ASTN2: variants seen among roughly 807,000 people sequenced by gnomAD.
The protein encoded by ASTN2 is astrotactin 2, also known as astrotactin-2.
A neutral mutation model predicts 139.8 loss-of-function variants in ASTN2; 54 were observed. The ratio of observed to expected loss-of-function variants is 0.39; its 90% CI spans 0.31 to 0.48. The LOEUF (loss-of-function observed/expected upper bound fraction) is 0.48, where lower values mean the gene tolerates loss of function less well. ASTN2 is among the 20% of genes least tolerant of loss of function. ASTN2 has a pLI of 0.95. For missense variants in ASTN2, 1,565 were observed against 1,725.1 expected (o/e 0.91, Z 1.64); for synonymous variants, 756 against 719.5 (o/e 1.05, Z -0.81).
At chr9:116,738,100 G>A (rs1282459873) in intron 13 of ASTN2, among the ~76,000 whole-genome samples, 1 of 151,526 alleles carries the variant, frequency 6.6e-6, no homozygotes, top group South Asian at 2.1e-4. Context: ...GCTGAGGCAG[G>A]AGAATGGCGT....
chr9:116,767,075 C>T (rs1375320046), intron 13 of ASTN2, among the ~76,000 whole-genome samples: 2 of 152,074 alleles, frequency 1.3e-5, no homozygotes, highest in Non-Finnish European at 2.9e-5. Context: ...ATCACACACA[C>T]ATAAACACAT....
intron 2 of ASTN2, among the ~76,000 whole-genome samples, chr9:117,251,399 A>G (rs1036812278): frequency 1.3e-5 from 2 of 152,014 alleles, no homozygotes; most frequent in Admixed American, 6.6e-5. Context: ...CTTATTATAA[A>G]TATGGTAATT....
intron 1 of ASTN2, among the ~76,000 whole-genome samples, chr9:117,297,481 T>C (rs1300728644): frequency 3.9e-5 from 6 of 152,220 alleles, no homozygotes; most frequent in Non-Finnish European, 8.8e-5. Context: ...TCTCATGGGC[T>C]ATTGCAAATG....
chr9:117,245,178 A>G (rs1459492000), intron 2 of ASTN2, among the ~76,000 whole-genome samples: 1 of 152,182 alleles, frequency 6.6e-6, no homozygotes, highest in Non-Finnish European at 1.5e-5. Context: ...GGCAATGGAT[A>G]AGCTGTCTGT....
At chr9:117,005,671 A>G (rs966775365) in intron 7 of ASTN2, among the ~76,000 whole-genome samples, 3 of 152,166 alleles carry the variant, frequency 2.0e-5, no homozygotes, top group Non-Finnish European at 4.4e-5. Context: ...CTTCCTTTAC[A>G]GGTATCATTC....
chr9:116,653,287 T>G (rs1858026587), intron 16 of ASTN2, among the ~76,000 whole-genome samples: 1 of 152,248 alleles, frequency 6.6e-6, no homozygotes, highest in South Asian at 2.1e-4. Context: ...CCACAGCAAT[T>G]GATTGCATAG....
intron 16 of ASTN2, among the ~76,000 whole-genome samples, chr9:116,710,468 C>A (rs927620149): frequency 3.3e-5 from 5 of 149,438 alleles, no homozygotes; most frequent in Admixed American, 6.6e-5. Context: ...AGTGAGCTCA[C>A]GCCTGTAATC....
intron 22 of ASTN2, among the ~76,000 whole-genome samples, chr9:116,436,843 A>C (rs1162398300): frequency 6.6e-6 from 1 of 151,972 alleles, no homozygotes; most frequent in East Asian, 1.9e-4. Context: ...GATTAAGAAA[A>C]TGTGGCACAT....
At chr9:116,521,443 A>T (rs564780092) in intron 19 of ASTN2, among the ~76,000 whole-genome samples, 9 of 152,292 alleles carry the variant, frequency 5.9e-5, no homozygotes, top group African/African-American at 2.2e-4. Flanking sequence ...GGCAAGCCAT[A>T]TGTAGGAGGA....
rs139403992 is a variant in ASTN2, at chr9:117,362,589, A to G, written c.442+51908T>C. On this transcript the variant is annotated intron_variant, in intron 1 of 22. Coordinates refer to ENST00000313400, the MANE Select transcript of ASTN2 (RefSeq NM_001365068.1). Reference sequence around the variant, plus strand: ...AAGGGAGTTCCTCTTTCTCAAATCAATGTTCCCTTTCCTGGCTCCTTCAGG... The same window carrying G: ...AAGGGAGTTCCTCTTTCTCAAATCAGTGTTCCCTTTCCTGGCTCCTTCAGG... 4.1e-3 allele frequency among the ~76,000 whole-genome samples: 628 copies of G among 152,096 alleles called. 4 individuals carry two copies. Among genetic ancestry groups the G allele is most frequent in the African/African-American group, 0.015 (608 of 41,488 alleles).
At chr9:117,007,431 T>C (rs1383659800) in intron 7 of ASTN2, among the ~76,000 whole-genome samples, 1 of 152,178 alleles carries the variant, frequency 6.6e-6, no homozygotes, top group East Asian at 1.9e-4. Context: ...ACTTGAAATC[T>C]GGGTGGTATG....
intron 3 of ASTN2, among the ~76,000 whole-genome samples, chr9:117,143,338 C>T (rs1325630874): frequency 1.3e-5 from 2 of 152,164 alleles, no homozygotes; most frequent in Non-Finnish European, 2.9e-5. Context: ...TCAGCTATAG[C>T]CTGCAGTATG....
intron 7 of ASTN2, among the ~76,000 whole-genome samples, chr9:116,993,852 T>TTATATATATATATATATATA (rs1468663808): frequency 3.8e-5 from 1 of 26,662 alleles, no homozygotes; most frequent in East Asian, 1.6e-3. Context: ...AGTATGTACA[T>TTATATATATATATATATATA]GATATATATA....
chr9:116,713,468 G>C (rs1265354404), intron 16 of ASTN2, among the ~76,000 whole-genome samples: 4 of 152,088 alleles, frequency 2.6e-5, no homozygotes, highest in Admixed American at 2.6e-4. Flanking sequence ...AGAGCCAAGG[G>C]GTTGCTAGGA....
At chr9:116,482,018 T>C (rs968983713) in intron 20 of ASTN2, among the ~76,000 whole-genome samples, 2 of 152,126 alleles carry the variant, frequency 1.3e-5, no homozygotes, top group African/African-American at 2.4e-5. Flanking sequence ...ACCTGTGAAA[T>C]GGGAGAGGCC....
chr9:117,235,318 A>G (rs578189634), intron 2 of ASTN2, among the ~76,000 whole-genome samples: 1 of 152,276 alleles, frequency 6.6e-6, no homozygotes, highest in South Asian at 2.1e-4. Flanking sequence ...GTATTGACAA[A>G]TTGAATGCAT....
chr9:117,251,138 G>A (rs1403227213), intron 2 of ASTN2, among the ~76,000 whole-genome samples: 2 of 152,132 alleles, frequency 1.3e-5, no homozygotes, highest in Non-Finnish European at 2.9e-5. Context: ...GAACCACAGA[G>A]ATGAAGTTAC....
At chr9:116,438,911 T>C (rs372508000) in intron 22 of ASTN2, among the ~76,000 whole-genome samples, 32 of 152,190 alleles carry the variant, frequency 2.1e-4, no homozygotes, top group South Asian at 8.3e-4. Context: ...GATAGCACCA[T>C]TGCTCTCCAG....
At chr9:117,061,841 GTT>G (rs1839303731) in intron 5 of ASTN2, among the ~76,000 whole-genome samples, 1 of 152,100 alleles carries the variant, frequency 6.6e-6, no homozygotes. Flanking sequence ...AAAGGGGAGA[GTT>G]GGAAAAAAAT....
Sources: allele counts gnomAD v4.1 joint callset (sites outside exome capture counted in the v4.1 genomes callset), GRCh38; gene constraint gnomAD v4.1.1; transcripts MANE v1.5; gene names NCBI Gene and HGNC (gene_info 2026-07-23, HGNC 2026-07-21).